Variants in TARS3 observed in about 807,000 individuals in gnomAD.
TARS3 encodes the protein threonine--tRNA ligase 2, cytoplasmic.
TARS3 carries 94 observed loss-of-function variants against 103.5 expected under a neutral mutation model. That is an observed-to-expected ratio of 0.91 (90% CI 0.77 to 1.08). The LOEUF is 1.08. Ranked by LOEUF, TARS3 falls within the 50% of genes least tolerant of loss-of-function variation. The probability of loss-of-function intolerance (pLI) is 0.00; values close to 1 mark genes in which losing one functional copy is unlikely to be tolerated. For missense variants in TARS3, 952 were observed against 995.2 expected (o/e 0.96, Z 0.58); for synonymous variants, 416 against 355.4 (o/e 1.17, Z -1.92).
intron 6 of TARS3, among the ~76,000 whole-genome samples, chr15:101,705,982 G>C (rs1268224451): frequency 1.3e-5 from 2 of 152,026 alleles, no homozygotes; most frequent in Non-Finnish European, 2.9e-5. Context: ...TGTTGTTTTT[G>C]AGACAGAGTC....
chr15:101,700,761 C>T (rs1899228972), intron 10 of TARS3, among the ~76,000 whole-genome samples: 1 of 151,938 alleles, frequency 6.6e-6, no homozygotes, highest in Non-Finnish European at 1.5e-5. Context: ...CTCCTGCCAG[C>T]CTCCCAAGTA....
At chr15:101,723,066 T>C in intron 2 of TARS3, 27 bp downstream of exon 2, 1 of 1,602,414 alleles carries the variant, frequency 6.2e-7, no homozygotes, top group Admixed American at 1.7e-5. Flanking sequence ...GGTAGTATTT[T>C]ATATTGTTTC....
At chr15:101,705,024 A>G (rs1054720443) in intron 7 of TARS3, among the ~76,000 whole-genome samples, 3 of 152,200 alleles carry the variant, frequency 2.0e-5, no homozygotes, top group African/African-American at 7.2e-5. Context: ...CTAAGGCGGT[A>G]CTGTGATAGT....
chr15:101,661,258 GA>G lies in TARS3; in HGVS notation c.2072+453del, dbSNP rs1338307744. Among the ~76,000 whole-genome samples the G allele has an allele frequency of 1.2e-4, 18 of 151,950 alleles. 1 individual carries two copies. Among genetic ancestry groups the G allele is most frequent in the South Asian group, 8.3e-4 (4 of 4,804 alleles). On this transcript the variant is annotated intron_variant, in intron 16 of 18. Transcript: ENST00000335968. ...TCCTCTTTGAGTTTGTGCCATTTAT[GA>G]ATCAGGTTTACATGTTTTCCTCCTC...
intron 3 of TARS3, among the ~76,000 whole-genome samples, chr15:101,720,185 C>T (rs1427649075): frequency 6.6e-6 from 1 of 152,080 alleles, no homozygotes; most frequent in Non-Finnish European, 1.5e-5. Context: ...CCATAGTTTT[C>T]AAAGAAAATC....
intron 16 of TARS3, among the ~76,000 whole-genome samples, chr15:101,660,871 G>A (rs1377480532): frequency 6.6e-6 from 1 of 152,190 alleles, no homozygotes; most frequent in East Asian, 1.9e-4. Flanking sequence ...CTCTTGTATT[G>A]GAATACTGAA....
At chr15:101,715,869 T>C (rs965511160) in intron 3 of TARS3, among the ~76,000 whole-genome samples, 1 of 152,256 alleles carries the variant, frequency 6.6e-6, no homozygotes, top group Non-Finnish European at 1.5e-5. Context: ...GACAGATTTC[T>C]GATGTCAATT....
chr15:101,696,559 T>C (rs908191085), intron 10 of TARS3, among the ~76,000 whole-genome samples: 1 of 152,164 alleles, frequency 6.6e-6, no homozygotes, highest in African/African-American at 2.4e-5. Flanking sequence ...TATGTTGCAA[T>C]AGCCATCCAG....
chr15:101,685,635 TATAAA>T (rs1481999715), intron 11 of TARS3, among the ~76,000 whole-genome samples: 1 of 152,152 alleles, frequency 6.6e-6, no homozygotes, highest in Non-Finnish European at 1.5e-5. Flanking sequence ...TTATAAAACT[TATAAA>T]ATTGACACAT....
chr15:101,722,954 G>A (rs1047579829), intron 2 of TARS3, 139 bp downstream of exon 2: 1 of 765,480 alleles, frequency 1.3e-6, no homozygotes, highest in African/African-American at 1.8e-5. Flanking sequence ...TTTAAGGCTT[G>A]AAAAGTTTTA....
At chr15:101,706,011 T>C (rs117783797) in intron 6 of TARS3, among the ~76,000 whole-genome samples, 1 of 152,170 alleles carries the variant, frequency 6.6e-6, no homozygotes, top group Non-Finnish European at 1.5e-5. Flanking sequence ...TCACCCAGGC[T>C]AGGGTGCAGT....
At chr15:101,654,948 G>A (rs1245636513) in intron 18 of TARS3, among the ~76,000 whole-genome samples, 2 of 152,256 alleles carry the variant, frequency 1.3e-5, no homozygotes, top group African/African-American at 4.8e-5. Flanking sequence ...CAGCTCTTGT[G>A]GTCCTGGGGT....
intron 18 of TARS3, 110 bp from the exon 19 acceptor site, chr15:101,654,840 T>TG: frequency 2.0e-6 from 2 of 985,924 alleles, no homozygotes; most frequent in Non-Finnish European, 3.0e-6. Flanking sequence ...TAATATTAAA[T>TG]ATCATCTAAT....
intron 3 of TARS3, among the ~76,000 whole-genome samples, chr15:101,720,785 T>G (rs1049408895): frequency 2.0e-5 from 3 of 152,188 alleles, no homozygotes; most frequent in African/African-American, 7.2e-5. Flanking sequence ...GGCTGTTACC[T>G]CCATGCTGTT....
chr15:101,720,151 G>C (rs189306921), intron 3 of TARS3, among the ~76,000 whole-genome samples: 1 of 152,110 alleles, frequency 6.6e-6, no homozygotes, highest in African/African-American at 2.4e-5. Flanking sequence ...AATATAATAG[G>C]ATGAATCAGA....
intron 10 of TARS3, 63 bp from the exon 11 acceptor site, chr15:101,686,125 AAC>A: frequency 7.1e-7 from 1 of 1,414,026 alleles, no homozygotes; most frequent in Non-Finnish European, 9.6e-7. Flanking sequence ...CATGCAAAGT[AAC>A]ACTATGAGCA....
intron 16 of TARS3, among the ~76,000 whole-genome samples, chr15:101,659,683 T>C (rs1342468237): frequency 6.6e-6 from 1 of 152,144 alleles, no homozygotes; most frequent in Non-Finnish European, 1.5e-5. Flanking sequence ...AACACCATCA[T>C]CTCTTACCTA....
rs556963207 is a variant in TARS3 at position 101,715,426 on chromosome 15, G to A, written c.567-463C>T. Among the ~76,000 whole-genome samples the A allele has an allele frequency of 8.0e-4, 121 of 152,186 alleles. 1 individual carries two copies. Among genetic ancestry groups the A allele is most frequent in the Middle Eastern group, 6.8e-3 (2 of 294 alleles). On this transcript the variant is annotated intron_variant, in intron 3 of 18. Coordinates refer to ENST00000335968, the MANE Select transcript of TARS3 (RefSeq NM_152334.3). ...CTCCCAAAGTGCTGGGATTACAGGC[G>A]TGAGCCACCGCGCCCAGCCACATTC...
intron 15 of TARS3, 142 bp from the exon 16 acceptor site, chr15:101,661,958 T>G: frequency 4.1e-6 from 2 of 490,034 alleles, no homozygotes; most frequent in Non-Finnish European, 6.8e-6. Flanking sequence ...GACTGTCTTG[T>G]TTTCTCATTG....
Sources: gnomAD v4.1 joint callset for allele counts (sites outside exome capture counted in the v4.1 genomes callset) on GRCh38, gnomAD v4.1.1 for gene constraint, MANE v1.5 for transcripts, NCBI Gene and HGNC (gene_info 2026-07-23, HGNC 2026-07-21) for gene names.